The following BMPR1B variants were observed in gnomAD, a reference collection of about 807,000 sequenced individuals.
BMPR1B encodes the protein bone morphogenetic protein receptor type-1B.
BMPR1B carries 12 observed loss-of-function variants against 59.1 expected under a neutral mutation model. The ratio of observed to expected loss-of-function variants is 0.20; its 90% CI spans 0.13 to 0.33. BMPR1B has a LOEUF of 0.33. Among genes scored for constraint, BMPR1B ranks in the 10% least tolerant of loss-of-function variants. BMPR1B has a pLI of 1.00. For missense variants in BMPR1B, 550 were observed against 610.9 expected (o/e 0.90, Z 1.05); for synonymous variants, 237 against 207.3 (o/e 1.14, Z -1.23).
chr4:94,958,897 T>C (rs1483120502), intron 2 of BMPR1B, among the ~76,000 whole-genome samples: 1 of 151,220 alleles, frequency 6.6e-6, no homozygotes, highest in Non-Finnish European at 1.5e-5. Context: ...AGGATGGTAA[T>C]GCAAGTTTAA....
At chr4:94,830,278 G>A (rs1439302884) in intron 1 of BMPR1B, among the ~76,000 whole-genome samples, 1 of 152,058 alleles carries the variant, frequency 6.6e-6, no homozygotes, top group Non-Finnish European at 1.5e-5. Flanking sequence ...ATTCAGAAAA[G>A]TTAATGTTTT....
At chr4:94,855,067 C>G (rs1395001373) in intron 1 of BMPR1B, among the ~76,000 whole-genome samples, 1 of 152,108 alleles carries the variant, frequency 6.6e-6, no homozygotes, top group Non-Finnish European at 1.5e-5. Context: ...AACAAATTAT[C>G]AGTTCTAACA....
At chr4:94,909,147 G>A (rs1398712568) in intron 2 of BMPR1B, among the ~76,000 whole-genome samples, 2 of 151,950 alleles carry the variant, frequency 1.3e-5, no homozygotes, top group Non-Finnish European at 2.9e-5. Flanking sequence ...CTCCTCTTAA[G>A]GACAGCAGTC....
intron 3 of BMPR1B, among the ~76,000 whole-genome samples, chr4:95,038,076 G>A (rs1725392806): frequency 6.6e-6 from 1 of 152,160 alleles, no homozygotes; most frequent in Non-Finnish European, 1.5e-5. Context: ...AGTAAATAGA[G>A]TACTAGGGTA....
At chr4:94,920,418 C>T (rs1728644123) in intron 2 of BMPR1B, among the ~76,000 whole-genome samples, 1 of 152,100 alleles carries the variant, frequency 6.6e-6, no homozygotes, top group South Asian at 2.1e-4. Flanking sequence ...AAAGAAGTCC[C>T]CGGTTTCCAT....
At position 95,137,311 on chromosome 4, in the gene BMPR1B, A is replaced by G. The variant is rs541913456; in HGVS notation, c.1076+5799A>G. ...ATTTCTGTTCATTTACATTTGCTGA[A>G]GAGTGCTTTACTTCCAACTATGTGG... On this transcript the variant is annotated intron_variant, in intron 10 of 12. Coordinates refer to ENST00000515059, the MANE Select transcript of BMPR1B (RefSeq NM_001203.3). 1.5e-4 allele frequency among the ~76,000 whole-genome samples: 23 copies of G among 152,266 alleles called. No homozygotes were observed. The South Asian group carries it at 4.6e-3, about 30-fold the overall frequency.
rs767293151 is a variant in BMPR1B, at chr4:94,970,922, C to A, written c.-112-25118C>A. On this transcript the variant is annotated intron_variant, in intron 2 of 12. Coordinates refer to ENST00000515059, the MANE Select transcript of BMPR1B (RefSeq NM_001203.3). ...TTTTTTTGGATGAACTCTTTAAATT[C>A]ATTAAAATCAACTACCCACTATTTA... Among the ~76,000 whole-genome samples the A allele has an allele frequency of 3.9e-5, 6 of 152,034 alleles. No homozygotes were observed. In the East Asian group the frequency reaches 9.6e-4, roughly 24 times the overall value.
intron 2 of BMPR1B, among the ~76,000 whole-genome samples, chr4:94,960,920 G>C (rs1163272546): frequency 6.9e-6 from 1 of 144,266 alleles, no homozygotes; most frequent in Non-Finnish European, 1.6e-5. Context: ...ATTCCTGCTT[G>C]CTGGAATGCT....
intron 2 of BMPR1B, among the ~76,000 whole-genome samples, chr4:94,918,774 T>A (rs1728582163): frequency 6.6e-6 from 1 of 152,216 alleles, no homozygotes; most frequent in African/African-American, 2.4e-5. Context: ...TTAATTCTCT[T>A]TAGTGTAACT....
At chr4:94,873,598 T>C (rs1399991493) in intron 1 of BMPR1B, among the ~76,000 whole-genome samples, 1 of 151,914 alleles carries the variant, frequency 6.6e-6, no homozygotes, top group African/African-American at 2.4e-5. Context: ...TTAGTAGAGA[T>C]GGGGTTTCAC....
chr4:95,153,264 C>T (rs1229306061), intron 12 of BMPR1B, among the ~76,000 whole-genome samples: 3 of 152,122 alleles, frequency 2.0e-5, no homozygotes, highest in Non-Finnish European at 2.9e-5. Flanking sequence ...ACAAATCCAC[C>T]TTCAGCTTGG....
At chr4:95,115,657 A>T (rs756291192) in intron 5 of BMPR1B, 28 bp from the exon 6 acceptor site, 4 of 1,572,472 alleles carry the variant, frequency 2.5e-6, no homozygotes, top group Non-Finnish European at 8.8e-7. Flanking sequence ...GAAGAAACTC[A>T]CTAATAGCTG....
chr4:94,932,156 T>G (rs1185957575), intron 2 of BMPR1B, among the ~76,000 whole-genome samples: 1 of 152,110 alleles, frequency 6.6e-6, no homozygotes, highest in Non-Finnish European at 1.5e-5. Flanking sequence ...GGTTCCTTAC[T>G]TTTCTCCCCT....
chr4:95,066,873 C>T (rs549090411), intron 3 of BMPR1B, among the ~76,000 whole-genome samples: 21 of 152,160 alleles, frequency 1.4e-4, no homozygotes, highest in Non-Finnish European at 2.6e-4. Flanking sequence ...TTTTCAATGG[C>T]AGGTGAATAA....
rs866715284 is a variant in BMPR1B at position 94,794,550 on chromosome 4, G to T, written c.-183+36482G>T. ...CTTGAAAGTAGTTTTTTCCAATTCT[G>T]TGAAGAAAGTCATTGGTAGCTTGAT... On this transcript the variant is annotated intron_variant, in intron 1 of 12. Coordinates refer to ENST00000515059, the MANE Select transcript of BMPR1B (RefSeq NM_001203.3). Among the ~76,000 whole-genome samples, 80 of 136,572 alleles carry T rather than the reference G, an allele frequency of 5.9e-4. 4 individuals carry two copies. The highest frequency in any genetic ancestry group is 5.8e-3 in the South Asian group (24 of 4,130). The allele number at this position is 136,572 out of a possible 152,430, so 89.6% of individuals were successfully genotyped here. A position where few individuals can be genotyped will look rare whatever the true frequency, so the allele number is the denominator to read the frequency against.
chr4:95,032,637 C>G (rs949100195), intron 3 of BMPR1B, among the ~76,000 whole-genome samples: 5 of 152,166 alleles, frequency 3.3e-5, no homozygotes, highest in African/African-American at 9.7e-5. Flanking sequence ...GTTTTTGCTA[C>G]TAGCTTATTT....
rs766791531 is a variant in BMPR1B, at chr4:95,129,889, C to G, written c.613C>G (p.Gln205Glu). The change falls in exon 9 of 13, where the codon CAG (glutamine) becomes GAG (glutamate). Residue 205 changes from glutamine (Q) to glutamate (E), a missense_variant. Transcript: ENST00000515059. ...CCAAAGGACTATAGCTAAGCAGATT[C>G]AGATGGTGAAACAGATTGGAAAAGG... ...LVQRTIAKQI[Q>E]MVKQIGKGRY... The G allele has an allele frequency of 6.8e-6, 11 of 1,613,754 alleles. No homozygotes were observed. Among genetic ancestry groups the G allele is most frequent in the South Asian group, 4.4e-5 (4 of 91,064 alleles).
At chr4:95,101,815 C>A (rs1730842172) in intron 3 of BMPR1B, among the ~76,000 whole-genome samples, 1 of 152,130 alleles carries the variant, frequency 6.6e-6, no homozygotes, top group South Asian at 2.1e-4. Context: ...TATGCAGAAT[C>A]CGACCTTGAG....
intron 1 of BMPR1B, among the ~76,000 whole-genome samples, chr4:94,804,318 G>A (rs1723524513): frequency 1.3e-5 from 2 of 152,102 alleles, no homozygotes; most frequent in African/African-American, 4.8e-5. Context: ...ATTTTAAAAT[G>A]GGATATCTGC....
Sources: gnomAD v4.1 joint callset for allele counts (sites outside exome capture counted in the v4.1 genomes callset) on GRCh38, gnomAD v4.1.1 for gene constraint, MANE v1.5 for transcripts, NCBI Gene and HGNC (gene_info 2026-07-23, HGNC 2026-07-21) for gene names.